ARK2C: variants seen among roughly 807,000 people sequenced by gnomAD.
ARK2C encodes the protein E3 ubiquitin-protein ligase ARK2C.
chr18:46,438,214 T>C, the ARK2C span, among the ~76,000 whole-genome samples: 1 of 152,246 alleles, frequency 6.6e-6, no homozygotes, highest in Non-Finnish European at 1.5e-5. Flanking sequence ...GTGACCCCTT[T>C]AGACACTTAG....
At chr18:46,401,912 C>T in the ARK2C span, among the ~76,000 whole-genome samples, 1 of 152,138 alleles carries the variant, frequency 6.6e-6, no homozygotes, top group Admixed American at 6.5e-5. Context: ...TACACAGTGG[C>T]GCTTTCAGGA....
At chr18:46,378,618 T>C in the ARK2C span, among the ~76,000 whole-genome samples, 2 of 152,238 alleles carry the variant, frequency 1.3e-5, no homozygotes, top group Non-Finnish European at 2.9e-5. Flanking sequence ...GCAGGGCCAC[T>C]GTTTATCAAA....
At chr18:46,396,066 G>A in the ARK2C span, among the ~76,000 whole-genome samples, 1 of 152,228 alleles carries the variant, frequency 6.6e-6, no homozygotes, top group Non-Finnish European at 1.5e-5. Context: ...TGCTCACATA[G>A]CAAAGGCAGG....
At chr18:46,442,983 A>T in the ARK2C span, among the ~76,000 whole-genome samples, 1 of 152,168 alleles carries the variant, frequency 6.6e-6, no homozygotes, top group African/African-American at 2.4e-5. Context: ...GTTAGCACTT[A>T]CGGGGTATAT....
chr18:46,387,318 G>A, the ARK2C span, among the ~76,000 whole-genome samples: 2 of 152,168 alleles, frequency 1.3e-5, no homozygotes, highest in Non-Finnish European at 2.9e-5. Flanking sequence ...ATTGAAACAA[G>A]CCCCCATCCT....
the ARK2C span, among the ~76,000 whole-genome samples, chr18:46,383,536 T>C: frequency 6.6e-6 from 1 of 150,752 alleles, no homozygotes; most frequent in East Asian, 1.9e-4. Context: ...CTTGGCACCA[T>C]GTTGGTTTTC....
chr18:46,353,895 C>T, the ARK2C span, among the ~76,000 whole-genome samples: 1 of 152,290 alleles, frequency 6.6e-6, no homozygotes, highest in African/African-American at 2.4e-5. Flanking sequence ...GTCACTCTGC[C>T]TCCCATTCAC....
At chr18:46,383,992 TA>T in the ARK2C span, among the ~76,000 whole-genome samples, 2 of 152,260 alleles carry the variant, frequency 1.3e-5, no homozygotes, top group East Asian at 3.8e-4. Flanking sequence ...AACATGACTT[TA>T]AAAGGACACA....
chr18:46,366,710 T>C, the ARK2C span, among the ~76,000 whole-genome samples: 1 of 152,206 alleles, frequency 6.6e-6, no homozygotes, highest in Non-Finnish European at 1.5e-5. Flanking sequence ...TAAATGTAGC[T>C]CTGCCACGGA....
the ARK2C span, chr18:46,335,371 CT>C: frequency 6.6e-6 from 1 of 152,134 alleles, no homozygotes; most frequent in Non-Finnish European, 1.5e-5. Context: ...TGATTTTCCC[CT>C]CTTCTCCCCA....
the ARK2C span, among the ~76,000 whole-genome samples, chr18:46,354,832 C>A: frequency 3.0e-4 from 45 of 152,342 alleles, no homozygotes; most frequent in African/African-American, 1.0e-3. Flanking sequence ...ATACACAAAG[C>A]TTTGGGGCCT....
chr18:46,365,239 G>C, the ARK2C span, among the ~76,000 whole-genome samples: 1 of 152,132 alleles, frequency 6.6e-6, no homozygotes, highest in Non-Finnish European at 1.5e-5. Context: ...CAGACCTTGA[G>C]GCTCCCATGT....
At chr18:46,430,952 G>A in the ARK2C span, among the ~76,000 whole-genome samples, 1 of 152,228 alleles carries the variant, frequency 6.6e-6, no homozygotes, top group East Asian at 1.9e-4. Flanking sequence ...GTGCGGGTTT[G>A]TTACATAGGT....
the ARK2C span, among the ~76,000 whole-genome samples, chr18:46,358,289 C>G: frequency 2.6e-5 from 4 of 152,098 alleles, no homozygotes; most frequent in Non-Finnish European, 5.9e-5. Context: ...GAAGGGGAGG[C>G]CTCCCTGTCT....
At chr18:46,447,376 C>T in the ARK2C span, 1 of 644,104 alleles carries the variant, frequency 1.6e-6, no homozygotes, top group Non-Finnish European at 2.7e-6. Context: ...TTTCAGAGTC[C>T]TTTCCTTCTC....
At chr18:46,396,415 C>T in the ARK2C span, among the ~76,000 whole-genome samples, 6 of 152,320 alleles carry the variant, frequency 3.9e-5, no homozygotes, top group South Asian at 1.0e-3. Context: ...CAGAGACATT[C>T]TACCTGCCCA....
chr18:46,404,804 A>C, the ARK2C span, among the ~76,000 whole-genome samples: 1 of 149,644 alleles, frequency 6.7e-6, no homozygotes, highest in Admixed American at 6.7e-5. Context: ...ACACACAACA[A>C]CCCCCCCACC....
the ARK2C span, among the ~76,000 whole-genome samples, chr18:46,399,282 G>T: frequency 2.6e-5 from 4 of 152,318 alleles, no homozygotes; most frequent in African/African-American, 9.6e-5. Flanking sequence ...CGGCAGCTTG[G>T]GCAAAAGGAC....
At chr18:46,432,823 T>C in the ARK2C span, among the ~76,000 whole-genome samples, 3 of 152,114 alleles carry the variant, frequency 2.0e-5, no homozygotes. Context: ...CGGGCGCCTG[T>C]AGTCCCAGCT....
Sources: allele counts gnomAD v4.1 joint callset (sites outside exome capture counted in the v4.1 genomes callset), GRCh38; gene constraint gnomAD v4.1.1; transcripts MANE v1.5; gene names NCBI Gene and HGNC (gene_info 2026-07-23, HGNC 2026-07-21).